DNAL1: variants seen among roughly 807,000 people sequenced by gnomAD.
The protein encoded by DNAL1 is dynein axonemal light chain 1, also known as chromosome 14 open reading frame 168.
Under a neutral mutation model 29.4 loss-of-function variants are expected in DNAL1, and 17 were observed. That is an observed-to-expected ratio of 0.58 (90% CI 0.40 to 0.87). The LOEUF (loss-of-function observed/expected upper bound fraction) is 0.87. DNAL1 is among the 40% of genes least tolerant of loss of function. DNAL1 has a pLI of 0.00. For missense variants in DNAL1, 188 were observed against 214.1 expected (o/e 0.88, Z 0.76); for synonymous variants, 78 against 76.3 (o/e 1.02, Z -0.12).
At chr14:73,692,771 A>C (rs565234297) in intron 7 of DNAL1, among the ~76,000 whole-genome samples, 1 of 152,052 alleles carries the variant, frequency 6.6e-6, no homozygotes, top group Non-Finnish European at 1.5e-5. Context: ...ACCAGAACAG[A>C]GATGGCCACA....
intron 3 of DNAL1, among the ~76,000 whole-genome samples, chr14:73,660,806 T>C (rs1451301836): frequency 2.0e-5 from 3 of 152,144 alleles, no homozygotes; most frequent in Admixed American, 1.3e-4. Flanking sequence ...GGCAAACAAA[T>C]TTGAGAAGGT....
At chr14:73,682,752 G>A (rs556040611) in intron 5 of DNAL1, among the ~76,000 whole-genome samples, 80 of 151,468 alleles carry the variant, frequency 5.3e-4, no homozygotes, top group African/African-American at 1.9e-3. Context: ...TCCACATCTT[G>A]TCCCACTGGA....
rs2140074684 is a variant in DNAL1, at chr14:73,703,507, C to T, written c.*7565C>T. 1 of 152,306 alleles carries T rather than the reference C, an allele frequency of 6.6e-6. No individual in the cohort carries two copies. The highest frequency in any genetic ancestry group is 1.5e-5 in the Non-Finnish European group (1 of 68,028). 9.4% of individuals were successfully genotyped at this position (152,306 alleles called of 1,614,324 possible). A position where few individuals can be genotyped will look rare whatever the true frequency, so the allele number is the denominator to read the frequency against. On this transcript the variant is annotated 3_prime_UTR_variant, in exon 8 of 8. Transcript: ENST00000553645. Reference sequence around the variant, plus strand: ...TGCCCCACCCTAACTGATCAATGTACTTTGTAATCTCCCCCACCCTTAAGA... The same window carrying T: ...TGCCCCACCCTAACTGATCAATGTATTTTGTAATCTCCCCCACCCTTAAGA...
intron 4 of DNAL1, among the ~76,000 whole-genome samples, 175 bp from the exon 5 acceptor site, chr14:73,671,367 A>G (rs1891611661): frequency 6.6e-6 from 1 of 152,160 alleles, no homozygotes; most frequent in African/African-American, 2.4e-5. Context: ...TTTACTTTAG[A>G]TGATAGGTCA....
At chr14:73,673,981 A>G (rs1891672716) in intron 5 of DNAL1, among the ~76,000 whole-genome samples, 1 of 151,388 alleles carries the variant, frequency 6.6e-6, no homozygotes, top group African/African-American at 2.4e-5. Flanking sequence ...ATCTAGACAC[A>G]TCTGCCTCAT....
intron 4 of DNAL1, among the ~76,000 whole-genome samples, chr14:73,665,331 C>T (rs538619730): frequency 6.6e-5 from 10 of 152,234 alleles, no homozygotes; most frequent in African/African-American, 2.4e-4. Context: ...TTTGCTGACT[C>T]ACTCAAACAA....
chr14:73,667,891 C>G (rs2140039041), intron 4 of DNAL1, among the ~76,000 whole-genome samples: 1 of 152,308 alleles, frequency 6.6e-6, no homozygotes, highest in East Asian at 1.9e-4. Context: ...CTCTCACATC[C>G]TCTCTAAAGC....
chr14:73,667,335 T>G (rs1023172799), intron 4 of DNAL1, among the ~76,000 whole-genome samples: 21 of 151,910 alleles, frequency 1.4e-4, no homozygotes, highest in Admixed American at 1.4e-3. Flanking sequence ...CATGGTGGCA[T>G]GCGCCTATAA....
At chr14:73,695,506 C>T (rs1359618533) in intron 7 of DNAL1, among the ~76,000 whole-genome samples, 1 of 151,992 alleles carries the variant, frequency 6.6e-6, no homozygotes, top group African/African-American at 2.4e-5. Context: ...TTACGGCACA[C>T]TTCATAGTAT....
chr14:73,663,423 C>G (rs1427611682), intron 4 of DNAL1, among the ~76,000 whole-genome samples: 1 of 152,086 alleles, frequency 6.6e-6, no homozygotes, highest in African/African-American at 2.4e-5. Context: ...CCAGGCTGGC[C>G]TCAAACTCCT....
At chr14:73,680,417 G>A (rs560956321) in intron 5 of DNAL1, among the ~76,000 whole-genome samples, 18 of 152,198 alleles carry the variant, frequency 1.2e-4, no homozygotes, top group Admixed American at 2.0e-4. Flanking sequence ...ATGAGAAGAC[G>A]TATTCATATT....
chr14:73,694,553 T>TTC (rs397718274), intron 7 of DNAL1, among the ~76,000 whole-genome samples: 3 of 151,310 alleles, frequency 2.0e-5, no homozygotes, highest in Non-Finnish European at 4.4e-5. Context: ...GATTTTTTTT[T>TTC]CAGTGTATCC....
Position 73,661,986 on chromosome 14 carries a change from G to A in DNAL1, c.153-1G>A. The A allele has an allele frequency of 6.5e-7, 1 of 1,539,328 alleles. No homozygotes were observed. Among genetic ancestry groups the A allele is most frequent in the Non-Finnish European group, 8.8e-7 (1 of 1,142,646 alleles). Reference sequence around the variant, plus strand: ...TAAATTTTTTCTTTGTTCTTTTAAAGGAAGCTTTCACTGTCTACAAACTGC... The same window carrying A: ...TAAATTTTTTCTTTGTTCTTTTAAAAGAAGCTTTCACTGTCTACAAACTGC... On this transcript the variant is annotated splice_acceptor_variant, in intron 3 of 7. Coordinates refer to ENST00000553645, the MANE Select transcript of DNAL1 (RefSeq NM_031427.4). LOFTEE classifies it high-confidence loss of function.
chr14:73,685,397 T>G (rs1018357556), intron 5 of DNAL1, among the ~76,000 whole-genome samples: 1 of 152,158 alleles, frequency 6.6e-6, no homozygotes, highest in African/African-American at 2.4e-5. Flanking sequence ...CTTATTTAAC[T>G]TAGCGTAATA....
At chr14:73,674,951 T>C (rs1040625039) in intron 5 of DNAL1, among the ~76,000 whole-genome samples, 1 of 151,722 alleles carries the variant, frequency 6.6e-6, no homozygotes, top group South Asian at 2.1e-4. Flanking sequence ...CCCAAGTAGC[T>C]GTGACTAAAG....
At chr14:73,658,492 A>T (rs1448709315) in intron 2 of DNAL1, among the ~76,000 whole-genome samples, 1 of 152,176 alleles carries the variant, frequency 6.6e-6, no homozygotes, top group Non-Finnish European at 1.5e-5. Flanking sequence ...TGCATTGGGA[A>T]GTATGGTCAT....
chr14:73,675,632 C>T (rs1037175829), intron 5 of DNAL1, among the ~76,000 whole-genome samples: 6 of 152,076 alleles, frequency 3.9e-5, no homozygotes, highest in African/African-American at 1.4e-4. Context: ...TGTTAATTAG[C>T]ATCTACAATA....
At chr14:73,665,232 T>C (rs937257643) in intron 4 of DNAL1, among the ~76,000 whole-genome samples, 17 of 152,168 alleles carry the variant, frequency 1.1e-4, no homozygotes, top group African/African-American at 4.1e-4. Context: ...TGGCATTCAG[T>C]ACTTATACAG....
At chr14:73,679,283 C>G (rs144725575) in intron 5 of DNAL1, among the ~76,000 whole-genome samples, 1 of 152,116 alleles carries the variant, frequency 6.6e-6, no homozygotes, top group Non-Finnish European at 1.5e-5. Flanking sequence ...CGTGAGCCAC[C>G]GTGCCCGGCC....
Sources: gnomAD v4.1 joint callset for allele counts (sites outside exome capture counted in the v4.1 genomes callset) on GRCh38, gnomAD v4.1.1 for gene constraint, MANE v1.5 for transcripts, NCBI Gene and HGNC (gene_info 2026-07-23, HGNC 2026-07-21) for gene names.